Variants in AFAP1 observed in about 807,000 individuals in gnomAD.
AFAP1 encodes actin filament-associated protein 1.
In AFAP1, 75 loss-of-function variants were observed where a neutral mutation model predicts 93.9. That is an observed-to-expected ratio of 0.80 (90% CI 0.66 to 0.97). The LOEUF (loss-of-function observed/expected upper bound fraction) is 0.97. AFAP1 is among the 50% of genes least tolerant of loss of function. AFAP1 has a pLI of 0.00. For missense variants in AFAP1, 1,201 were observed against 1,050.8 expected (o/e 1.14, Z -1.98); for synonymous variants, 517 against 430.7 (o/e 1.20, Z -2.48).
chr4:7,794,157 C>G (rs1339113156), intron 10 of AFAP1, among the ~76,000 whole-genome samples: 1 of 152,136 alleles, frequency 6.6e-6, no homozygotes, highest in African/African-American at 2.4e-5. Context: ...GCTGGGGTGC[C>G]TTTGGCAACA....
intron 17 of AFAP1, among the ~76,000 whole-genome samples, chr4:7,768,585 A>G (rs1375268451): frequency 6.6e-6 from 1 of 151,944 alleles, no homozygotes; most frequent in East Asian, 1.9e-4. Flanking sequence ...ATCTGAGATG[A>G]CTCTGGAGCC....
chr4:7,798,153 G>A (rs34364202), intron 10 of AFAP1, among the ~76,000 whole-genome samples: 3,342 of 61,028 alleles, frequency 0.055, 39 homozygotes, highest in African/African-American at 0.078. Context: ...GCTGGCTCAC[G>A]GCACTGCAAC....
chr4:7,939,745 C>A lies in AFAP1; in HGVS notation c.-92G>T. On this transcript the variant is annotated 5_prime_UTR_variant, in exon 1 of 18. In the 5' UTR this introduces an upstream ATG that the reference lacks. Transcript: ENST00000420658. The surrounding 1 kb of genome is among the most constrained non-coding windows in gnomAD (Gnocchi z 5.6). Reference sequence around the variant, plus strand: ...GAACAGCCGACAGAGCCGCAGCCGCCTTAACAATGGAGCCCCGGGGCGGGG... The same window carrying A: ...GAACAGCCGACAGAGCCGCAGCCGCATTAACAATGGAGCCCCGGGGCGGGG... 1 of 409,076 alleles carries A rather than the reference C, an allele frequency of 2.4e-6. No individual in the cohort carries two copies. The highest frequency in any genetic ancestry group is 1.3e-4 in the East Asian group (1 of 7,774). The allele number at this position is 409,076 out of a possible 1,614,324, so 25.3% of individuals were successfully genotyped here.
intron 10 of AFAP1, among the ~76,000 whole-genome samples, chr4:7,798,422 G>C (rs965627390): frequency 5.1e-4 from 76 of 149,966 alleles, no homozygotes; most frequent in Middle Eastern, 3.5e-3. Context: ...CAACTCTATT[G>C]GCTGGCTCAC....
At chr4:7,798,230 GGCTCACGGCACTGCAACTCTATTGGCT>G in intron 10 of AFAP1, among the ~76,000 whole-genome samples, 1 of 143,038 alleles carries the variant, frequency 7.0e-6, no homozygotes, top group Non-Finnish European at 1.5e-5. Flanking sequence ...TCTATTGGCT[GGCTCACGGCACTGCAACTCTATTGGCT>G]GGCTCACGGC....
chr4:7,786,544 A>C (rs1452115087), intron 11 of AFAP1, among the ~76,000 whole-genome samples: 1 of 152,232 alleles, frequency 6.6e-6, no homozygotes, highest in East Asian at 1.9e-4. Context: ...GCCAGTAACC[A>C]ACACCAGGTA....
At chr4:7,900,552 A>C (rs1299642852) in intron 1 of AFAP1, among the ~76,000 whole-genome samples, 1 of 152,216 alleles carries the variant, frequency 6.6e-6, no homozygotes, top group Non-Finnish European at 1.5e-5. Context: ...TCTGCCCATG[A>C]AGCAGGCAGC....
At chr4:7,861,680 G>T (rs1715713859) in intron 3 of AFAP1, among the ~76,000 whole-genome samples, 1 of 152,330 alleles carries the variant, frequency 6.6e-6, no homozygotes, top group African/African-American at 2.4e-5. Flanking sequence ...AGCCCACCAG[G>T]GGCGGAAACA....
At chr4:7,805,116 G>C (rs974403456) in intron 9 of AFAP1, among the ~76,000 whole-genome samples, 1 of 152,168 alleles carries the variant, frequency 6.6e-6, no homozygotes, top group Non-Finnish European at 1.5e-5. Context: ...GCTGAGGCTG[G>C]TCTTAAACTC....
intron 9 of AFAP1, among the ~76,000 whole-genome samples, chr4:7,807,562 T>G (rs1719636448): frequency 6.6e-6 from 1 of 152,258 alleles, no homozygotes; most frequent in Admixed American, 6.5e-5. Flanking sequence ...AACTGCCATT[T>G]GACCAAGTTC....
chr4:7,868,137 T>C (rs1240913594), intron 3 of AFAP1, among the ~76,000 whole-genome samples: 1 of 151,236 alleles, frequency 6.6e-6, no homozygotes, highest in East Asian at 1.9e-4. Flanking sequence ...AACTAAAGTA[T>C]ACATTCCCGA....
At chr4:7,827,627 C>T (rs982284683) in intron 6 of AFAP1, among the ~76,000 whole-genome samples, 1 of 140,294 alleles carries the variant, frequency 7.1e-6, no homozygotes, top group Admixed American at 7.4e-5. Context: ...AGAGGACGGC[C>T]AAAAGCTTCC....
chr4:7,813,833 T>C (rs920508983), intron 8 of AFAP1, among the ~76,000 whole-genome samples: 2 of 152,186 alleles, frequency 1.3e-5, no homozygotes, highest in Admixed American at 1.3e-4. Context: ...TCCAGATTCT[T>C]TGAGCTCCAA....
chr4:7,903,536 G>A (rs904822665), intron 1 of AFAP1, among the ~76,000 whole-genome samples: 1 of 152,170 alleles, frequency 6.6e-6, no homozygotes, highest in Non-Finnish European at 1.5e-5. Context: ...AAAATTAGCT[G>A]GGCATGGTGG....
chr4:7,819,482 A>G (rs1027151648), intron 6 of AFAP1, among the ~76,000 whole-genome samples: 1 of 152,234 alleles, frequency 6.6e-6, no homozygotes, highest in African/African-American at 2.4e-5. Flanking sequence ...AAAGAATGAC[A>G]GCAACACGAG....
At chr4:7,847,798 T>TGGG (rs752684366) in intron 4 of AFAP1, among the ~76,000 whole-genome samples, 2 of 142,630 alleles carry the variant, frequency 1.4e-5, no homozygotes, top group South Asian at 2.3e-4. Context: ...GTACTCGGGG[T>TGGG]GGGGCATTGA....
intron 2 of AFAP1, among the ~76,000 whole-genome samples, chr4:7,870,708 C>T (rs1447564143): frequency 6.6e-6 from 1 of 152,060 alleles, no homozygotes; most frequent in Non-Finnish European, 1.5e-5. Context: ...GGGTCCCTAT[C>T]CTGCTTTCTT....
intron 6 of AFAP1, among the ~76,000 whole-genome samples, chr4:7,824,181 T>C (rs1157591878): frequency 1.3e-5 from 2 of 152,342 alleles, no homozygotes; most frequent in South Asian, 4.1e-4. Flanking sequence ...TGAAGAGCCA[T>C]GTCCTATGAG....
At position 7,939,608 on chromosome 4, in the gene AFAP1, A is replaced by G. The variant is rs753061952; in HGVS notation, c.-3+48T>C. On this transcript the variant is annotated intron_variant, in intron 1 of 17. Coordinates refer to ENST00000420658, the MANE Select transcript of AFAP1 (RefSeq NM_001134647.2). The surrounding 1 kb of genome is among the most constrained non-coding windows in gnomAD (Gnocchi z 5.6). The stretch of plus-strand genomic sequence containing the variant: ...CTCGGAGCTTCCACGCCCGGGGCAG[A>G]GACCCCCGCCGGGTCCGGAGACCCT... 2.4e-6 allele frequency: 1 copy of G among 408,736 alleles called. No individual in the cohort carries two copies. Among genetic ancestry groups the G allele is most frequent in the East Asian group, 1.2e-4 (1 of 8,200 alleles). 25.3% of individuals were successfully genotyped at this position (408,736 alleles called of 1,614,324 possible).
Sources: gnomAD v4.1 joint callset for allele counts (sites outside exome capture counted in the v4.1 genomes callset) on GRCh38, gnomAD v4.1.1 for gene constraint, Gnocchi (gnomAD v3.1) non-coding constraint, MANE v1.5 for transcripts, NCBI Gene and HGNC (gene_info 2026-07-23, HGNC 2026-07-21) for gene names.